The following SNTB1 variants were observed in gnomAD, a reference collection of about 807,000 sequenced individuals.
The protein encoded by SNTB1 is syntrophin beta 1, also known as beta-1-syntrophin.
A neutral mutation model predicts 48.9 loss-of-function variants in SNTB1; 36 were observed. The observed-to-expected ratio is 0.74, with a 90% CI of 0.56 to 0.97. The LOEUF (loss-of-function observed/expected upper bound fraction) is 0.97. Among genes scored for constraint, SNTB1 ranks in the 50% least tolerant of loss-of-function variants. The pLI is 0.00. For missense variants in SNTB1, 786 were observed against 703.4 expected (o/e 1.12, Z -1.33); for synonymous variants, 299 against 294.6 (o/e 1.01, Z -0.15).
rs753067374 is a variant in SNTB1 at position 120,547,554 on chromosome 8, T to C, written c.1333+1208A>G. On this transcript the variant is annotated intron_variant, in intron 5 of 6. Coordinates refer to ENST00000517992, the MANE Select transcript of SNTB1 (RefSeq NM_021021.4). The stretch of plus-strand genomic sequence containing the variant: ...GGAGGTCGCAGTGAGATCACGCTAT[T>C]GTACTCCAGCCCAGGTGACAAGAGC... 3.7e-4 allele frequency among the ~76,000 whole-genome samples: 55 copies of C among 148,304 alleles called. 1 individual carries two copies. Among genetic ancestry groups the C allele is most frequent in the Admixed American group, 2.0e-3 (30 of 14,852 alleles).
chr8:120,705,497 G>A (rs1170318497), intron 1 of SNTB1, among the ~76,000 whole-genome samples: 1 of 152,154 alleles, frequency 6.6e-6, no homozygotes, highest in African/African-American at 2.4e-5. Context: ...AATCAACAGG[G>A]GTAAGATTTG....
At chr8:120,655,601 T>C (rs1443721235) in intron 2 of SNTB1, among the ~76,000 whole-genome samples, 1 of 152,210 alleles carries the variant, frequency 6.6e-6, no homozygotes, top group Non-Finnish European at 1.5e-5. Context: ...GTCTTAATCA[T>C]TATGCTCCAT....
At chr8:120,785,128 A>C (rs929799200) in intron 1 of SNTB1, among the ~76,000 whole-genome samples, 1 of 152,246 alleles carries the variant, frequency 6.6e-6, no homozygotes, top group Non-Finnish European at 1.5e-5. Context: ...TAATTCAGGC[A>C]GTGGTCACGG....
intron 2 of SNTB1, among the ~76,000 whole-genome samples, chr8:120,665,191 C>T (rs1277899120): frequency 6.6e-6 from 1 of 152,098 alleles, no homozygotes; most frequent in Non-Finnish European, 1.5e-5. Context: ...GTGGCTTACA[C>T]CTGTAATCCC....
intron 2 of SNTB1, among the ~76,000 whole-genome samples, chr8:120,682,863 T>G (rs893331076): frequency 2.0e-5 from 3 of 150,946 alleles, no homozygotes; most frequent in Non-Finnish European, 2.9e-5. Flanking sequence ...ATACTCATAG[T>G]TTTTTGTTTG....
chr8:120,597,577 C>A (rs1816346173), intron 3 of SNTB1, among the ~76,000 whole-genome samples: 5 of 152,192 alleles, frequency 3.3e-5, no homozygotes, highest in Admixed American at 3.3e-4. Flanking sequence ...TACAAGAAAA[C>A]CACAAAGAAG....
intron 2 of SNTB1, among the ~76,000 whole-genome samples, chr8:120,654,590 C>T (rs935570363): frequency 1.3e-5 from 2 of 152,104 alleles, no homozygotes; most frequent in South Asian, 2.1e-4. Flanking sequence ...AGGAATTATA[C>T]GCTCACTCTC....
chr8:120,603,314 G>A (rs1037540011), intron 3 of SNTB1, among the ~76,000 whole-genome samples: 2 of 152,028 alleles, frequency 1.3e-5, no homozygotes, highest in East Asian at 1.9e-4. Flanking sequence ...TGGTCAGGCT[G>A]GTCTCGAACT....
intron 2 of SNTB1, among the ~76,000 whole-genome samples, chr8:120,654,562 C>A (rs1237028127): frequency 6.6e-6 from 1 of 152,154 alleles, no homozygotes; most frequent in Non-Finnish European, 1.5e-5. Flanking sequence ...TTTCTGATAA[C>A]AGCCCATCCC....
chr8:120,773,910 T>G (rs575052683), intron 1 of SNTB1, among the ~76,000 whole-genome samples: 2 of 152,374 alleles, frequency 1.3e-5, no homozygotes, highest in Admixed American at 6.5e-5. Flanking sequence ...TTAACCACCA[T>G]GCAATTTTCT....
chr8:120,616,070 G>C (rs1292578018), intron 3 of SNTB1, among the ~76,000 whole-genome samples: 1 of 152,098 alleles, frequency 6.6e-6, no homozygotes, highest in Non-Finnish European at 1.5e-5. Flanking sequence ...ACCTTTTCCT[G>C]GAGGACAACA....
intron 3 of SNTB1, among the ~76,000 whole-genome samples, chr8:120,600,668 T>G (rs780230992): frequency 6.6e-6 from 1 of 152,098 alleles, no homozygotes; most frequent in African/African-American, 2.4e-5. Flanking sequence ...CTATAATCTA[T>G]CTTGGTCAGC....
chr8:120,543,834 T>C (rs1164941660), intron 5 of SNTB1, among the ~76,000 whole-genome samples: 1 of 152,116 alleles, frequency 6.6e-6, no homozygotes, highest in Non-Finnish European at 1.5e-5. Flanking sequence ...ATCTAACAGG[T>C]CTATAACTCC....
At position 120,556,717 on chromosome 8, in the gene SNTB1, C is replaced by T. The variant is rs139147932; in HGVS notation, c.1137-7759G>A. On this transcript the variant is annotated intron_variant, in intron 4 of 6. Transcript: ENST00000517992. ...TGAGCCAGCAGGGCAATAGGAGTAG[C>T]GCCTCCAGAAAGAAATAGAGAAAAC... Among the ~76,000 whole-genome samples the T allele has an allele frequency of 8.5e-5, 13 of 152,252 alleles. No individual in the cohort carries two copies. The East Asian group carries it at 1.7e-3, about 20-fold the overall frequency.
In SNTB1 at chr8:120,732,383, T is replaced by G. The variant is rs1045878613; in HGVS notation, c.572-38475A>C. ...AGTAGACTTTTCCAGTTAATACTCA[T>G]GTTTAACCAGAAAAGCAGAAACCTC... is the stretch of plus-strand genomic sequence containing the variant. On this transcript the variant is annotated intron_variant, in intron 1 of 6. Transcript: ENST00000517992. Among the ~76,000 whole-genome samples, 8 of 152,354 alleles carry G rather than the reference T, an allele frequency of 5.3e-5. No individual in the cohort carries two copies. The South Asian group carries it at 1.7e-3, about 32-fold the overall frequency.
intron 1 of SNTB1, among the ~76,000 whole-genome samples, chr8:120,794,017 T>G (rs565487283): frequency 2.0e-5 from 3 of 152,008 alleles, no homozygotes; most frequent in Non-Finnish European, 4.4e-5. Context: ...ATCCTGCAAT[T>G]GGTTTAGTTA....
chr8:120,687,051 G>C (rs147677730), intron 2 of SNTB1, among the ~76,000 whole-genome samples: 1 of 152,110 alleles, frequency 6.6e-6, no homozygotes, highest in Non-Finnish European at 1.5e-5. Flanking sequence ...CTTCATTCTC[G>C]ATGCACTAAA....
intron 2 of SNTB1, among the ~76,000 whole-genome samples, chr8:120,677,023 C>A (rs1470382541): frequency 6.7e-6 from 1 of 149,072 alleles, no homozygotes; most frequent in Non-Finnish European, 1.5e-5. Flanking sequence ...ATGATCATGC[C>A]ACTGCACTCC....
At chr8:120,664,621 T>C (rs1244829720) in intron 2 of SNTB1, among the ~76,000 whole-genome samples, 1 of 152,254 alleles carries the variant, frequency 6.6e-6, no homozygotes, top group Non-Finnish European at 1.5e-5. Context: ...ATTTGTTTTA[T>C]GGGTAAGTAA....
Sources: gnomAD v4.1 joint callset for allele counts (sites outside exome capture counted in the v4.1 genomes callset) on GRCh38, gnomAD v4.1.1 for gene constraint, MANE v1.5 for transcripts, NCBI Gene and HGNC (gene_info 2026-07-23, HGNC 2026-07-21) for gene names.